Variants in NTM observed in about 807,000 individuals in gnomAD.
NTM encodes the protein IgLON family member 2.
Under a neutral mutation model 42.1 loss-of-function variants are expected in NTM, and 13 were observed. That is an observed-to-expected ratio of 0.31 (90% CI 0.20 to 0.49). NTM has a LOEUF of 0.49. Among genes scored for constraint, NTM ranks in the 20% least tolerant of loss-of-function variants. The pLI is 0.99. For missense variants in NTM, 373 were observed against 452.8 expected, an observed-to-expected ratio of 0.82 and a Z score of 1.60; for synonymous variants, 187 against 179.2, an observed-to-expected ratio of 1.04 and a Z score of -0.35.
intron 1 of NTM, among the ~76,000 whole-genome samples, chr11:131,670,238 C>T (rs1002597587): frequency 3.9e-5 from 6 of 152,010 alleles, no homozygotes; most frequent in African/African-American, 1.4e-4. Context: ...CCCTCATCCC[C>T]TTTGGCAAAA....
intron 2 of NTM, among the ~76,000 whole-genome samples, chr11:132,134,916 A>G (rs2067594132): frequency 6.6e-6 from 1 of 150,896 alleles, no homozygotes; most frequent in African/African-American, 2.4e-5. Flanking sequence ...CCTAGTAGTG[A>G]GTAGATCTAC....
chr11:131,721,812 C>T (rs1040357978), intron 1 of NTM, among the ~76,000 whole-genome samples: 1 of 151,780 alleles, frequency 6.6e-6, no homozygotes. Context: ...GCCTGACCAA[C>T]ATGGAGAAAC....
chr11:131,513,949 C>G (rs1293793508), intron 1 of NTM, among the ~76,000 whole-genome samples: 2 of 152,106 alleles, frequency 1.3e-5, no homozygotes, highest in Non-Finnish European at 2.9e-5. Context: ...ACCCTCCTGA[C>G]AGAAGCATGC....
intron 1 of NTM, chr11:131,660,386 G>A: frequency 2.3e-6 from 1 of 441,102 alleles, no homozygotes; most frequent in Non-Finnish European, 4.6e-6. Flanking sequence ...CGGAGGGGGT[G>A]AGGGTGAGGG....
At chr11:131,924,226 C>T (rs539662063) in intron 2 of NTM, among the ~76,000 whole-genome samples, 3 of 152,098 alleles carry the variant, frequency 2.0e-5, no homozygotes, top group African/African-American at 4.8e-5. Context: ...AAAGTATCAA[C>T]GCAGTTCATT....
intron 1 of NTM, among the ~76,000 whole-genome samples, chr11:131,894,103 C>T (rs1356808640): frequency 6.6e-6 from 1 of 152,144 alleles, no homozygotes; most frequent in Non-Finnish European, 1.5e-5. Context: ...GCACCGAACA[C>T]CTCTGTGAAC....
intron 1 of NTM, among the ~76,000 whole-genome samples, chr11:131,627,072 G>C (rs1436094937): frequency 1.3e-5 from 2 of 152,182 alleles, no homozygotes; most frequent in Non-Finnish European, 2.9e-5. Flanking sequence ...GAGATTAATT[G>C]ATGCTAAAAG....
chr11:131,471,851 C>G (rs1227996469), intron 1 of NTM, among the ~76,000 whole-genome samples: 1 of 152,270 alleles, frequency 6.6e-6, no homozygotes, highest in African/African-American at 2.4e-5. Flanking sequence ...TGTCTTTCCA[C>G]CCTGAGTGTT....
chr11:131,594,853 G>T (rs2059678572), intron 1 of NTM, among the ~76,000 whole-genome samples: 1 of 152,162 alleles, frequency 6.6e-6, no homozygotes, highest in Non-Finnish European at 1.5e-5. Flanking sequence ...AGGGCGCCAT[G>T]TACTCTAAAT....
Position 131,853,526 on chromosome 11 carries a change from C to T in NTM, c.83-58038C>T, listed in dbSNP as rs140816949. ...TTATGTTCCTGCATTAGTTTGCTAA[C>T]GGCAATGGCCTCCAGCTCCGTCCGT... On this transcript the variant is annotated intron_variant, in intron 1 of 8. Coordinates refer to ENST00000683400, the MANE Select transcript of NTM (RefSeq NM_001352005.2). Among the ~76,000 whole-genome samples, 496 of 152,282 alleles carry T rather than the reference C, an allele frequency of 3.3e-3. 3 individuals are homozygous for T. Among genetic ancestry groups the T allele is most frequent in the African/African-American group, 0.011 (462 of 41,550 alleles).
At chr11:132,059,092 T>C (rs1247225023) in intron 2 of NTM, among the ~76,000 whole-genome samples, 1 of 152,226 alleles carries the variant, frequency 6.6e-6, no homozygotes, top group Non-Finnish European at 1.5e-5. Flanking sequence ...CTCTGGTGCT[T>C]TCTCCCTTCT....
chr11:132,226,365 G>A (rs992451313), intron 4 of NTM, among the ~76,000 whole-genome samples: 4 of 152,138 alleles, frequency 2.6e-5, no homozygotes, highest in African/African-American at 9.7e-5. Context: ...ATCCTCTCTA[G>A]CATCTGTTGT....
At chr11:131,602,044 A>G (rs1401229199) in intron 1 of NTM, among the ~76,000 whole-genome samples, 2 of 152,224 alleles carry the variant, frequency 1.3e-5, no homozygotes, top group African/African-American at 4.8e-5. Flanking sequence ...AGGTTTAAAA[A>G]GAAACTAAAT....
intron 1 of NTM, among the ~76,000 whole-genome samples, chr11:131,871,657 T>C (rs548953236): frequency 6.6e-6 from 1 of 152,336 alleles, no homozygotes; most frequent in Non-Finnish European, 1.5e-5. Context: ...TCTCTCCCTG[T>C]TAATCCAAGG....
intron 4 of NTM, among the ~76,000 whole-genome samples, chr11:132,228,390 C>T (rs977235846): frequency 5.3e-5 from 8 of 152,170 alleles, no homozygotes; most frequent in Non-Finnish European, 8.8e-5. Flanking sequence ...AACGTACCTG[C>T]CGCCATACCT....
At position 131,691,073 on chromosome 11, in the gene NTM, G is replaced by A. The variant is rs546733653; in HGVS notation, c.83-220491G>A. ...CTGGGTGGGCGAGTCTCAGACCGCA[G>A]AGGATCCGGCGCCTGCCCCACTCTG... On this transcript the variant is annotated intron_variant, in intron 1 of 8. Transcript: ENST00000683400. Among the ~76,000 whole-genome samples, 468 of 152,298 alleles carry A rather than the reference G, an allele frequency of 3.1e-3. 3 individuals carry two copies. Among genetic ancestry groups the A allele is most frequent in the Middle Eastern group, 0.014 (4 of 294 alleles).
At chr11:131,817,665 G>C (rs1344088324) in intron 1 of NTM, among the ~76,000 whole-genome samples, 1 of 152,234 alleles carries the variant, frequency 6.6e-6, no homozygotes, top group Non-Finnish European at 1.5e-5. Context: ...TTTCCTGGGA[G>C]GGGCCTCTGA....
intron 4 of NTM, among the ~76,000 whole-genome samples, chr11:132,265,885 CA>C (rs2093153939): frequency 6.6e-6 from 1 of 152,180 alleles, no homozygotes; most frequent in Non-Finnish European, 1.5e-5. Context: ...CAGGGAAACA[CA>C]TCCGCAGGTG....
chr11:131,433,715 T>C (rs182077465), intron 1 of NTM, among the ~76,000 whole-genome samples: 41 of 152,156 alleles, frequency 2.7e-4, no homozygotes, highest in Admixed American at 2.5e-3. Flanking sequence ...TTCTAGATAT[T>C]TTTTTTTCCT....
Sources: gnomAD v4.1 joint callset for allele counts (sites outside exome capture counted in the v4.1 genomes callset) on GRCh38, gnomAD v4.1.1 for gene constraint, MANE v1.5 for transcripts, NCBI Gene and HGNC (gene_info 2026-07-23, HGNC 2026-07-21) for gene names.